Variants in LGSN observed in about 807,000 individuals in gnomAD.
LGSN encodes the protein lengsin.
LGSN carries 21 observed loss-of-function variants against 19.5 expected under a neutral mutation model. The ratio of observed to expected loss-of-function variants is 1.07; its 90% CI spans 0.76 to 1.55. LGSN has a LOEUF of 1.55. Ranked by LOEUF, LGSN falls within the 40% of genes most tolerant of loss-of-function variation. The pLI, the probability that LGSN is intolerant of heterozygous loss-of-function variation, is 0.00. For synonymous variants in LGSN, 257 were observed against 215.6 expected, an observed-to-expected ratio of 1.19 and a Z score of -1.68; for missense variants, 673 against 608.5, an observed-to-expected ratio of 1.11 and a Z score of -1.12.
chr6:63,417,773 C>T, the LGSN span, among the ~76,000 whole-genome samples: 1 of 152,124 alleles, frequency 6.6e-6, no homozygotes, highest in African/African-American at 2.4e-5. Context: ...GAAAGGAGGA[C>T]TCATAGTACT....
intron 2 of LGSN, among the ~76,000 whole-genome samples, chr6:63,289,399 T>C (rs1198949402): frequency 5.3e-5 from 8 of 152,224 alleles, no homozygotes; most frequent in African/African-American, 1.9e-4. Context: ...CAATAAATCA[T>C]ACTTGTTATT....
the LGSN span, among the ~76,000 whole-genome samples, chr6:63,445,007 A>T: frequency 2.0e-5 from 3 of 152,304 alleles, no homozygotes; most frequent in Admixed American, 6.5e-5. Flanking sequence ...TGCAGGGCAG[A>T]CACTCTTGTA....
At position 63,276,658 on chromosome 6, in the gene LGSN, T is replaced by G. The variant is rs564463634; in HGVS notation, c.*3363A>C. 6.6e-6 allele frequency: 1 copy of G among 152,206 alleles called. No individual in the cohort carries two copies. The highest frequency in any genetic ancestry group is 1.5e-5 in the Non-Finnish European group (1 of 68,032). The allele number at this position is 152,206 out of a possible 1,614,324, so 9.4% of individuals were successfully genotyped here. On this transcript the variant is annotated 3_prime_UTR_variant, in exon 4 of 4. Transcript: ENST00000370657. ...AAAATTATTTATGTTCTGCTTAAGA[T>G]ACACAGATCCAAAACTCTTTCATTG...
At chr6:63,290,372 A>T (rs1470593404) in intron 2 of LGSN, among the ~76,000 whole-genome samples, 1 of 152,224 alleles carries the variant, frequency 6.6e-6, no homozygotes, top group Admixed American at 6.5e-5. Context: ...GAAATGGTAA[A>T]TCCCTCTCTC....
the LGSN span, among the ~76,000 whole-genome samples, chr6:63,505,569 G>GAAAGAAAGAGAAAGAAAGAAAGAA: frequency 1.6e-3 from 40 of 25,134 alleles, 8 homozygotes; most frequent in African/African-American, 3.9e-3. Flanking sequence ...AAAAAAAAAA[G>GAAAGAAAGAGAAAGAAAGAAAGAA]AAAGAAAGAA....
At chr6:63,505,969 G>T in the LGSN span, among the ~76,000 whole-genome samples, 1 of 151,912 alleles carries the variant, frequency 6.6e-6, no homozygotes, top group Non-Finnish European at 1.5e-5. Context: ...ATTTGTAATG[G>T]GACACAGGGT....
At chr6:63,376,934 A>T in the LGSN span, among the ~76,000 whole-genome samples, 2 of 152,202 alleles carry the variant, frequency 1.3e-5, no homozygotes, top group African/African-American at 2.4e-5. Context: ...ACAAAGCAGA[A>T]CAAAAGAAAA....
At chr6:63,429,605 G>A in the LGSN span, among the ~76,000 whole-genome samples, 31 of 151,970 alleles carry the variant, frequency 2.0e-4, no homozygotes, top group East Asian at 7.7e-4. Context: ...GTGTGGTCGC[G>A]GGCGCCTGTA....
At position 63,280,948 on chromosome 6, in the gene LGSN, G is replaced by A; in HGVS notation, c.603C>T (p.Ser201=). The A allele has an allele frequency of 1.9e-6, 3 of 1,614,098 alleles. No individual in the cohort carries two copies. Among genetic ancestry groups the A allele is most frequent in the Non-Finnish European group, 2.5e-6 (3 of 1,180,020 alleles). ...QLSHLQASGF[S]LLSAFIYDFC... ...AATCATAGATGAAAGCAGAAAGCAG[G>A]GAAAAGCCAGAGGCCTGCAGATGGC... Residue 201 remains serine, a synonymous_variant, in exon 4 of 4, where the codon TCC becomes TCT. Transcript: ENST00000370657.
At chr6:63,460,985 C>T in the LGSN span, among the ~76,000 whole-genome samples, 1 of 152,180 alleles carries the variant, frequency 6.6e-6, no homozygotes, top group Admixed American at 6.5e-5. Flanking sequence ...GGCCAAGCGT[C>T]CCTCAGGAGG....
the LGSN span, among the ~76,000 whole-genome samples, chr6:63,376,227 G>T: frequency 6.6e-6 from 1 of 152,108 alleles, no homozygotes. Context: ...CAGAGAAAAA[G>T]CTTTCTATTT....
At chr6:63,563,675 A>G in the LGSN span, among the ~76,000 whole-genome samples, 4 of 152,222 alleles carry the variant, frequency 2.6e-5, no homozygotes, top group African/African-American at 9.6e-5. Flanking sequence ...AGTGCCTGGC[A>G]TATGCTAGGC....
chr6:63,325,347 C>G, the LGSN span, among the ~76,000 whole-genome samples: 448 of 152,148 alleles, frequency 2.9e-3, 3 homozygotes, highest in African/African-American at 0.01. Flanking sequence ...TAATAAATCC[C>G]TAGCTAGACT....
At chr6:63,434,790 G>T in the LGSN span, among the ~76,000 whole-genome samples, 1 of 152,148 alleles carries the variant, frequency 6.6e-6, no homozygotes, top group East Asian at 1.9e-4. Flanking sequence ...AACCAGAGGG[G>T]AAGACAGCCT....
At chr6:63,298,759 C>A (rs934373139) in intron 1 of LGSN, among the ~76,000 whole-genome samples, 1 of 152,124 alleles carries the variant, frequency 6.6e-6, no homozygotes. Flanking sequence ...ATAAACAACA[C>A]CAACACCACA....
intron 1 of LGSN, among the ~76,000 whole-genome samples, chr6:63,302,651 G>A (rs1406634124): frequency 1.3e-5 from 2 of 152,222 alleles, no homozygotes; most frequent in Non-Finnish European, 2.9e-5. Context: ...CAATTTGAAT[G>A]AGGTTCATGG....
chr6:63,361,745 G>A, the LGSN span, among the ~76,000 whole-genome samples: 42 of 152,050 alleles, frequency 2.8e-4, no homozygotes, highest in Admixed American at 4.6e-4. Context: ...CTCCTTCGTC[G>A]CTCAGGCTGG....
the LGSN span, among the ~76,000 whole-genome samples, chr6:63,531,308 G>A: frequency 6.6e-6 from 1 of 152,088 alleles, no homozygotes; most frequent in Non-Finnish European, 1.5e-5. Context: ...GGCAAATACC[G>A]ATTTGTGAGG....
the LGSN span, among the ~76,000 whole-genome samples, chr6:63,448,963 T>C: frequency 3.9e-5 from 6 of 152,312 alleles, no homozygotes; most frequent in East Asian, 1.2e-3. Context: ...ACTATTTGTA[T>C]AGCATTTTAC....
Sources: allele counts gnomAD v4.1 joint callset (sites outside exome capture counted in the v4.1 genomes callset), GRCh38; gene constraint gnomAD v4.1.1; transcripts MANE v1.5; gene names NCBI Gene and HGNC (gene_info 2026-07-23, HGNC 2026-07-21).